Variants in ABCB7 observed in about 807,000 individuals in gnomAD.
ABCB7 encodes the protein ATP binding cassette subfamily B member 7.
A neutral mutation model predicts 54.4 loss-of-function variants in ABCB7; 7 were observed. The observed-to-expected ratio is 0.13, with a 90% CI of 0.07 to 0.24. The LOEUF is 0.24. ABCB7 is among the 10% of genes least tolerant of loss of function. The pLI is 1.00. For missense variants in ABCB7, 356 were observed against 570.4 expected, an observed-to-expected ratio of 0.62 and a Z score of 3.83; for synonymous variants, 218 against 207.1, an observed-to-expected ratio of 1.05 and a Z score of -0.45.
chrX:75,149,636 A>G (rs1313825279), intron 1 of ABCB7, among the ~76,000 whole-genome samples: 1 of 111,953 alleles, frequency 8.9e-6, no homozygotes, highest in Non-Finnish European at 1.9e-5. Flanking sequence ...TGTGGAAGAT[A>G]AAAACAAAAA....
chrX:75,135,977 C>A (rs1569245848), intron 1 of ABCB7, among the ~76,000 whole-genome samples: 1 of 74,725 alleles, frequency 1.3e-5, no homozygotes, highest in African/African-American at 4.4e-5. Context: ...ATTTTCTAGC[C>A]AGAGCAATCA....
chrX:75,124,792 T>C (rs932700493), intron 1 of ABCB7, among the ~76,000 whole-genome samples: 2 of 111,654 alleles, frequency 1.8e-5, no homozygotes, highest in Admixed American at 9.5e-5. Flanking sequence ...CCTAACCCTA[T>C]TGTGTTTGTG....
chrX:75,053,615 G>T, intron 15 of ABCB7, 30 bp from the exon 16 acceptor site: 1 of 1,167,559 alleles, frequency 8.6e-7, no homozygotes. Flanking sequence ...GAAACACGGA[G>T]AAAGGTCATT....
intron 4 of ABCB7, among the ~76,000 whole-genome samples, chrX:75,093,918 C>A (rs1160236858): frequency 9.4e-6 from 1 of 105,912 alleles, no homozygotes; most frequent in East Asian, 3.1e-4. Flanking sequence ...AATAGTTATT[C>A]AAAAATACTA....
chrX:75,139,149 G>A (rs1168463873), intron 1 of ABCB7, among the ~76,000 whole-genome samples: 1 of 110,512 alleles, frequency 9.0e-6, no homozygotes, highest in Non-Finnish European at 1.9e-5. Flanking sequence ...GTATACCACT[G>A]ATTAATCTTC....
At chrX:75,080,563 C>T (rs1049724921) in intron 4 of ABCB7, among the ~76,000 whole-genome samples, 2 of 111,633 alleles carry the variant, frequency 1.8e-5, no homozygotes, top group African/African-American at 6.5e-5. Context: ...CTCGGCCTCC[C>T]AAAGTGCTGG....
chrX:75,153,760 G>GTATATATATATA (rs55904708), intron 1 of ABCB7, among the ~76,000 whole-genome samples: 17 of 94,134 alleles, frequency 1.8e-4, no homozygotes, highest in African/African-American at 4.9e-4. Flanking sequence ...GTGTGTGTGT[G>GTATATATATATA]TATATATATA....
intron 1 of ABCB7, among the ~76,000 whole-genome samples, chrX:75,141,777 G>A (rs2082055873): frequency 9.0e-6 from 1 of 111,037 alleles, no homozygotes; most frequent in Admixed American, 9.7e-5. Flanking sequence ...CCGCCCTCCA[G>A]AAAGGGGGCT....
At chrX:75,086,393 T>C (rs777889299) in intron 4 of ABCB7, among the ~76,000 whole-genome samples, 3 of 111,609 alleles carry the variant, frequency 2.7e-5, no homozygotes, top group Non-Finnish European at 5.6e-5. Flanking sequence ...CTGGTCAATA[T>C]AGTCAGTTTG....
intron 15 of ABCB7, among the ~76,000 whole-genome samples, chrX:75,057,719 T>C (rs1301341756): frequency 9.0e-6 from 1 of 111,115 alleles, no homozygotes; most frequent in Non-Finnish European, 1.9e-5. Flanking sequence ...AGGATGATTA[T>C]GTAGATATCT....
At chrX:75,102,111 T>C (rs2081645315) in intron 3 of ABCB7, among the ~76,000 whole-genome samples, 1 of 111,479 alleles carries the variant, frequency 9.0e-6, no homozygotes. Flanking sequence ...TTTTGTTGAA[T>C]GTACAGAATA....
intron 12 of ABCB7, among the ~76,000 whole-genome samples, chrX:75,067,837 C>T (rs2081333377): frequency 9.0e-6 from 1 of 110,844 alleles, no homozygotes; most frequent in South Asian, 3.9e-4. Flanking sequence ...TCAGAATAAC[C>T]TAGGAGGCAT....
chrX:75,153,756 G>GTATATATATATATA (rs10626282), intron 1 of ABCB7, among the ~76,000 whole-genome samples: 1,338 of 91,786 alleles, frequency 0.015, 16 homozygotes, highest in South Asian at 0.042. Flanking sequence ...GCGTGTGTGT[G>GTATATATATATATA]TGTGTATATA....
intron 2 of ABCB7, among the ~76,000 whole-genome samples, chrX:75,113,617 G>A (rs986797476): frequency 4.8e-4 from 53 of 110,861 alleles, no homozygotes; most frequent in African/African-American, 1.7e-3. Context: ...TCTTACACAC[G>A]GGCAAGGTAA....
intron 4 of ABCB7, among the ~76,000 whole-genome samples, chrX:75,080,453 C>T (rs763015880): frequency 3.6e-5 from 4 of 111,044 alleles, no homozygotes; most frequent in South Asian, 3.9e-4. Flanking sequence ...TACAATTGCA[C>T]GCCACCAGGC....
intron 3 of ABCB7, among the ~76,000 whole-genome samples, chrX:75,107,606 A>G (rs1424306063): frequency 8.9e-6 from 1 of 111,984 alleles, no homozygotes. Flanking sequence ...CTAGGCCACA[A>G]GGGAATCCAC....
At chrX:75,139,293 C>A (rs1460300246) in intron 1 of ABCB7, among the ~76,000 whole-genome samples, 1 of 111,947 alleles carries the variant, frequency 8.9e-6, no homozygotes, top group Non-Finnish European at 1.9e-5. Context: ...TCATATCTCT[C>A]CCATCTCTAT....
intron 1 of ABCB7, among the ~76,000 whole-genome samples, chrX:75,138,211 T>C (rs1017740357): frequency 1.2e-4 from 7 of 60,596 alleles, no homozygotes; most frequent in African/African-American, 3.6e-4. Context: ...TGTGGAGAAA[T>C]TGCAACCCTC....
chrX:75,087,892 A>G (rs1263080261), intron 4 of ABCB7, among the ~76,000 whole-genome samples: 1 of 112,052 alleles, frequency 8.9e-6, no homozygotes, highest in Non-Finnish European at 1.9e-5. Flanking sequence ...CTGAAAGCAA[A>G]TTAAAGAATA....
Sources: gnomAD v4.1 joint callset for allele counts (sites outside exome capture counted in the v4.1 genomes callset) on GRCh38, gnomAD v4.1.1 for gene constraint, MANE v1.5 for transcripts, NCBI Gene and HGNC (gene_info 2026-07-23, HGNC 2026-07-21) for gene names.